ANAPC5: variants seen among roughly 807,000 people sequenced by gnomAD.
ANAPC5 encodes anaphase promoting complex subunit 5.
Under a neutral mutation model 91.3 loss-of-function variants are expected in ANAPC5, and 60 were observed. The ratio of observed to expected loss-of-function variants is 0.66; its 90% CI spans 0.53 to 0.81. The LOEUF is 0.81. ANAPC5 is among the 40% of genes least tolerant of loss of function. ANAPC5 has a pLI of 0.00. For missense variants in ANAPC5, 690 were observed against 931.5 expected, an observed-to-expected ratio of 0.74 and a Z score of 3.37; for synonymous variants, 340 against 364.1, an observed-to-expected ratio of 0.93 and a Z score of 0.75.
intron 15 of ANAPC5, among the ~76,000 whole-genome samples, chr12:121,315,787 T>C (rs1477014957): frequency 6.6e-6 from 1 of 152,120 alleles, no homozygotes; most frequent in African/African-American, 2.4e-5. Context: ...TCATAGTATA[T>C]ACAAAAATTA....
chr12:121,327,272 A>G, intron 10 of ANAPC5, 41 bp from the exon 11 acceptor site: 1 of 1,605,460 alleles, frequency 6.2e-7, no homozygotes, highest in Non-Finnish European at 8.5e-7. Context: ...TCAGCAGCAG[A>G]CCTGGCTGCG....
upstream of ANAPC5, among the ~76,000 whole-genome samples, chr12:121,352,653 T>C (rs1412287392): frequency 1.6e-5 from 2 of 125,388 alleles, no homozygotes; most frequent in East Asian, 4.5e-4. Flanking sequence ...AAGTCGATGC[T>C]TGGGGTCGGG....
At chr12:121,316,103 T>A (rs971575045) in intron 15 of ANAPC5, among the ~76,000 whole-genome samples, 3 of 152,010 alleles carry the variant, frequency 2.0e-5, no homozygotes, top group Non-Finnish European at 2.9e-5. Flanking sequence ...ATCAAAAAGA[T>A]AAACAACTTA....
chr12:121,351,721 T>G (rs1451936485), intron 1 of ANAPC5, among the ~76,000 whole-genome samples: 1 of 152,074 alleles, frequency 6.6e-6, no homozygotes, highest in Non-Finnish European at 1.5e-5. Flanking sequence ...CCTCCCAAAG[T>G]GCGGAGATTA....
chr12:121,352,166 T>G lies in ANAPC5; in HGVS notation c.175A>C (p.Arg59=). The G allele has an allele frequency of 6.2e-7, 1 of 1,612,204 alleles. No homozygotes were observed. Among genetic ancestry groups the G allele is most frequent in the Non-Finnish European group, 8.5e-7 (1 of 1,178,692 alleles). ...EGAVSLMERR[R]LNQLLLPLLQ... is the part of the protein sequence containing the mutation. ...AGGGGCAGGAGCAGCTGGTTGAGCC[T>G]CCGCCGCTCCATGAGGCTGACGGCG... The change falls in exon 1 of 17, where the codon AGG becomes CGG. Residue 59 remains arginine (R), a synonymous_variant. Coordinates refer to ENST00000261819, the MANE Select transcript of ANAPC5 (RefSeq NM_016237.5).
At chr12:121,341,032 C>A (rs1400599344) in intron 5 of ANAPC5, among the ~76,000 whole-genome samples, 3 of 151,860 alleles carry the variant, frequency 2.0e-5, no homozygotes, top group Non-Finnish European at 2.9e-5. Flanking sequence ...TGAAAAGCAT[C>A]CATAAGAAAT....
rs781851547 is a variant in ANAPC5 at position 121,352,347 on chromosome 12, C to T, written c.-7G>A. The stretch of plus-strand genomic sequence containing the variant: ...TCTCGTGGACGCTGGCCATGGCGGC[C>T]CGAGACTAAGTCTCGGGCCCGCGGC... On this transcript the variant is annotated 5_prime_UTR_variant, in exon 1 of 17. Transcript: ENST00000261819. The T allele has an allele frequency of 1.9e-6, 3 of 1,592,892 alleles. No homozygotes were observed. Among genetic ancestry groups the T allele is most frequent in the Non-Finnish European group, 2.6e-6 (3 of 1,166,162 alleles).
intron 1 of ANAPC5, among the ~76,000 whole-genome samples, chr12:121,350,302 G>A (rs781877620): frequency 4.3e-4 from 65 of 152,254 alleles, no homozygotes; most frequent in Non-Finnish European, 7.3e-4. Flanking sequence ...ATAATATAGA[G>A]GCCCAGGGAC....
At chr12:121,313,440 A>G (rs1902246817) in intron 15 of ANAPC5, among the ~76,000 whole-genome samples, 1 of 152,162 alleles carries the variant, frequency 6.6e-6, no homozygotes, top group South Asian at 2.1e-4. Context: ...AGACTAAGAG[A>G]ACAACAGAGA....
At chr12:121,337,172 C>T (rs1411488786) in intron 6 of ANAPC5, 119 bp downstream of exon 6, 5 of 723,438 alleles carry the variant, frequency 6.9e-6, no homozygotes, top group Admixed American at 4.3e-5. Context: ...GAGCCAAGGT[C>T]GTGCCACTGC....
intron 11 of ANAPC5, among the ~76,000 whole-genome samples, chr12:121,322,952 G>A (rs1372987330): frequency 6.6e-6 from 1 of 152,110 alleles, no homozygotes; most frequent in Admixed American, 6.6e-5. Context: ...TTGAACCCAG[G>A]AGGCAGAGGT....
chr12:121,349,852 G>A lies in ANAPC5; in HGVS notation c.208-1971C>T, dbSNP rs7954711. ...CTCCCGAGTAGCTGGGACTACAGGC[G>A]CACATCACAATGCCCGGCTAATTTT... is the stretch of plus-strand genomic sequence containing the variant. On this transcript the variant is annotated intron_variant, in intron 1 of 16. Transcript: ENST00000261819. Among the ~76,000 whole-genome samples the A allele has an allele frequency of 6.6e-3, 997 of 151,334 alleles. 13 individuals carry two copies. The highest frequency in any genetic ancestry group is 0.023 in the African/African-American group (956 of 41,268).
chr12:121,309,477 T>C (rs1459019761), intron 16 of ANAPC5, among the ~76,000 whole-genome samples: 2 of 152,098 alleles, frequency 1.3e-5, no homozygotes, highest in East Asian at 3.8e-4. Flanking sequence ...TCTAGCCTGG[T>C]ACTTGGCTCT....
chr12:121,317,553 T>A (rs973044080), intron 15 of ANAPC5, among the ~76,000 whole-genome samples: 3 of 151,858 alleles, frequency 2.0e-5, no homozygotes, highest in African/African-American at 7.3e-5. Context: ...CACCTGGCCA[T>A]GTACATTTTA....
chr12:121,346,074 A>G, intron 3 of ANAPC5, 43 bp from the exon 4 acceptor site: 1 of 1,522,618 alleles, frequency 6.6e-7, no homozygotes, highest in Non-Finnish European at 8.9e-7. Flanking sequence ...ATTAACTGAC[A>G]TCCAGGCTAC....
chr12:121,336,604 C>T (rs189021718), intron 6 of ANAPC5, among the ~76,000 whole-genome samples: 122 of 152,086 alleles, frequency 8.0e-4, no homozygotes, highest in African/African-American at 2.8e-3. Context: ...ACTGAGAACC[C>T]GGGAGGCAGA....
At chr12:121,326,372 G>A (rs1368929893) in intron 11 of ANAPC5, 2 of 152,120 alleles carry the variant, frequency 1.3e-5, no homozygotes, top group Non-Finnish European at 2.9e-5. Context: ...GAGATGGAGG[G>A]CTTTAGATAA....
chr12:121,316,577 C>CA (rs768832165), intron 15 of ANAPC5, among the ~76,000 whole-genome samples: 1 of 151,432 alleles, frequency 6.6e-6, no homozygotes, highest in African/African-American at 2.4e-5. Flanking sequence ...ACTAAAAATA[C>CA]AAAAAAATAG....
At chr12:121,347,393 G>A (rs1903710152) in intron 2 of ANAPC5, 1 of 252,110 alleles carries the variant, frequency 4.0e-6, no homozygotes, top group South Asian at 6.0e-5. Flanking sequence ...ACTTTGCGAG[G>A]TGGAAGCGGA....
Sources: allele counts gnomAD v4.1 joint callset (sites outside exome capture counted in the v4.1 genomes callset), GRCh38; gene constraint gnomAD v4.1.1; transcripts MANE v1.5; gene names NCBI Gene and HGNC (gene_info 2026-07-23, HGNC 2026-07-21).